Variants in TLE4 observed in about 807,000 individuals in gnomAD.
The protein encoded by TLE4 is transducin-like enhancer protein 4.
Under a neutral mutation model 92.8 loss-of-function variants are expected in TLE4, and 8 were observed. The observed-to-expected ratio is 0.09, with a 90% CI of 0.05 to 0.16. The LOEUF (loss-of-function observed/expected upper bound fraction) is 0.16, where lower values mean the gene tolerates loss of function less well. TLE4 is among the 10% of genes least tolerant of loss of function. The pLI, the probability that TLE4 is intolerant of heterozygous loss-of-function variation, is 1.00. For synonymous variants in TLE4, 371 were observed against 374.1 expected (o/e 0.99, Z 0.10); for missense variants, 675 against 997.6 (o/e 0.68, Z 4.36).
In TLE4 at chr9:79,629,208, A is replaced by T. The variant is rs529646993; in HGVS notation, c.390+1760A>T. On this transcript the variant is annotated intron_variant, in intron 6 of 19. Coordinates refer to ENST00000376552, the MANE Select transcript of TLE4 (RefSeq NM_007005.6). Reference sequence around the variant, plus strand: ...TAGGAAAACAGAATGGATTATTATTATTTTTTTTTCCTTTTTTTGAGTCTT... The same window carrying T: ...TAGGAAAACAGAATGGATTATTATTTTTTTTTTTTCCTTTTTTTGAGTCTT... Among the ~76,000 whole-genome samples the T allele has an allele frequency of 1.9e-3, 288 of 150,592 alleles. 1 individual carries two copies. Among genetic ancestry groups the T allele is most frequent in the African/African-American group, 5.5e-3 (226 of 40,978 alleles).
intron 8 of TLE4, among the ~76,000 whole-genome samples, chr9:79,670,274 AAG>A (rs1212575370): frequency 2.0e-5 from 3 of 152,112 alleles, no homozygotes; most frequent in Non-Finnish European, 4.4e-5. Flanking sequence ...AGAAGAAAGA[AAG>A]AGACTACACC....
At chr9:79,675,804 G>A (rs1232395958) in intron 8 of TLE4, among the ~76,000 whole-genome samples, 7 of 152,116 alleles carry the variant, frequency 4.6e-5, no homozygotes. Context: ...TACCAGTTAA[G>A]TATCCCTTAT....
intron 8 of TLE4, among the ~76,000 whole-genome samples, chr9:79,663,988 A>AGG (rs2060977506): frequency 6.6e-6 from 1 of 152,224 alleles, no homozygotes; most frequent in Non-Finnish European, 1.5e-5. Context: ...CCGTTGCCCT[A>AGG]GCAACGGGCC....
chr9:79,709,209 G>A (rs1032305769), intron 13 of TLE4, among the ~76,000 whole-genome samples: 4 of 152,236 alleles, frequency 2.6e-5, no homozygotes, highest in East Asian at 1.9e-4. Context: ...AGCTACATGT[G>A]ATTATAATCT....
Position 79,652,890 on chromosome 9 carries a change from T to C in TLE4, c.592+96T>C, listed in dbSNP as rs925556447. The C allele has an allele frequency of 2.4e-6, 3 of 1,267,366 alleles. No individual in the cohort carries two copies. The African/African-American group carries it at 4.4e-5, about 19-fold the overall frequency. 78.5% of individuals were successfully genotyped at this position (1,267,366 alleles called of 1,614,324 possible). A position where few individuals can be genotyped will look rare whatever the true frequency, so the allele number is the denominator to read the frequency against. On this transcript the variant is annotated intron_variant, in intron 7 of 19. Transcript: ENST00000376552. The stretch of plus-strand genomic sequence containing the variant: ...TGTTTATTCTCTCTGAATTTAGTTT[T>C]ACCAGTGACTAAACAAAGGATTTCC...
rs750337855 is a variant in TLE4 at position 79,722,605 on chromosome 9, A to G, written c.2137+4A>G. 6.2e-7 allele frequency: 1 copy of G among 1,613,262 alleles called. No individual in the cohort carries two copies. The highest frequency in any genetic ancestry group is 8.5e-7 in the Non-Finnish European group (1 of 1,179,722). ...TCGCTCAAGTTTGCCCATTGTGGTA[A>G]GCAAGCACCTTTTGTCCATTTTCTG... On this transcript the variant is annotated splice_donor_region_variant and intron_variant, in intron 18 of 19. Coordinates refer to ENST00000376552, the MANE Select transcript of TLE4 (RefSeq NM_007005.6).
At chr9:79,677,515 T>C (rs1294900028) in intron 8 of TLE4, among the ~76,000 whole-genome samples, 1 of 152,126 alleles carries the variant, frequency 6.6e-6, no homozygotes, top group African/African-American at 2.4e-5. Context: ...TGGACTATGA[T>C]AACAGCAGAG....
At chr9:79,666,658 A>C (rs986015695) in intron 8 of TLE4, among the ~76,000 whole-genome samples, 1 of 152,256 alleles carries the variant, frequency 6.6e-6, no homozygotes, top group Non-Finnish European at 1.5e-5. Context: ...GTGTTTTAAA[A>C]GCAGTAATAG....
At chr9:79,604,092 A>C (rs748684828) in intron 4 of TLE4, among the ~76,000 whole-genome samples, 42 of 152,184 alleles carry the variant, frequency 2.8e-4, no homozygotes, top group Admixed American at 1.3e-4. Context: ...ACGAGAAGAC[A>C]AAACTATAAT....
chr9:79,660,806 A>G (rs1225240402), intron 8 of TLE4, among the ~76,000 whole-genome samples: 1 of 152,334 alleles, frequency 6.6e-6, no homozygotes, highest in African/African-American at 2.4e-5. Flanking sequence ...GCTGGTCCTC[A>G]GGTGGTGAGC....
At chr9:79,677,436 T>C (rs1388421901) in intron 8 of TLE4, among the ~76,000 whole-genome samples, 2 of 152,158 alleles carry the variant, frequency 1.3e-5, no homozygotes, top group African/African-American at 4.8e-5. Context: ...GTGCCTTATG[T>C]ATGTTGTCTC....
At chr9:79,694,056 T>G (rs1305955526) in intron 8 of TLE4, among the ~76,000 whole-genome samples, 1 of 152,194 alleles carries the variant, frequency 6.6e-6, no homozygotes, top group Non-Finnish European at 1.5e-5. Flanking sequence ...AACAACCTCT[T>G]TAGCCCACAG....
intron 8 of TLE4, chr9:79,671,395 T>A (rs937589622): frequency 5.3e-6 from 2 of 374,422 alleles, no homozygotes; most frequent in Admixed American, 6.0e-5. Context: ...AGGACTGTGA[T>A]CTCACAGTTT....
intron 8 of TLE4, among the ~76,000 whole-genome samples, chr9:79,670,333 C>T (rs1185975876): frequency 2.0e-5 from 3 of 152,190 alleles, no homozygotes; most frequent in South Asian, 4.1e-4. Context: ...TGGGCAAAAG[C>T]ACAACAAAAG....
intron 2 of TLE4, among the ~76,000 whole-genome samples, chr9:79,574,505 GT>G (rs776690683): frequency 3.4e-4 from 52 of 152,218 alleles, no homozygotes; most frequent in Non-Finnish European, 4.9e-4. Flanking sequence ...CCCTTGTGAC[GT>G]TTTGGAGGAC....
In TLE4 at chr9:79,687,981, G is replaced by C. The variant is rs1281558868; in HGVS notation, c.610-16802G>C. 2.0e-5 allele frequency among the ~76,000 whole-genome samples: 3 copies of C among 152,318 alleles called. No individual in the cohort carries two copies. In the East Asian group the frequency reaches 5.8e-4, roughly 29 times the overall value. On this transcript the variant is annotated intron_variant, in intron 8 of 19. Transcript: ENST00000376552. Reference sequence around the variant, plus strand: ...AGCCCTCAGGAGATGCTGTTGGACAGTGGACCACACTTTTTTGAGTAGCAA... The same window carrying C: ...AGCCCTCAGGAGATGCTGTTGGACACTGGACCACACTTTTTTGAGTAGCAA...
chr9:79,724,093 C>G (rs779062679), intron 19 of TLE4, among the ~76,000 whole-genome samples: 8 of 151,878 alleles, frequency 5.3e-5, no homozygotes, highest in Non-Finnish European at 1.0e-4. Flanking sequence ...ACTGTTGAAC[C>G]TCTCCCCTCT....
chr9:79,720,378 GTGTGTGTGT>G, intron 16 of TLE4, 85 bp downstream of exon 16: 3 of 856,760 alleles, frequency 3.5e-6, no homozygotes, highest in South Asian at 4.1e-5. Context: ...ATAGGTATGG[GTGTGTGTGT>G]GTGTGTGTGT....
At chr9:79,603,593 G>T (rs1379255571) in intron 4 of TLE4, among the ~76,000 whole-genome samples, 1 of 151,844 alleles carries the variant, frequency 6.6e-6, no homozygotes, top group African/African-American at 2.4e-5. Flanking sequence ...GTACTATACT[G>T]TAGTACACAC....
Sources: allele counts gnomAD v4.1 joint callset (sites outside exome capture counted in the v4.1 genomes callset), GRCh38; gene constraint gnomAD v4.1.1; transcripts MANE v1.5; gene names NCBI Gene and HGNC (gene_info 2026-07-23, HGNC 2026-07-21).